RORA: variants seen among roughly 807,000 people sequenced by gnomAD.
RORA encodes the protein nuclear receptor ROR-alpha.
RORA carries 7 observed loss-of-function variants against 69.5 expected under a neutral mutation model. The observed-to-expected ratio is 0.10, with a 90% confidence interval of 0.06 to 0.19. The LOEUF (loss-of-function observed/expected upper bound fraction) is 0.19, where lower values mean the gene tolerates loss of function less well. RORA is among the 10% of genes least tolerant of loss of function. The pLI is 1.00. For missense variants in RORA, 457 were observed against 663.0 expected, an observed-to-expected ratio of 0.69 and a Z score of 3.41; for synonymous variants, 261 against 240.8, an observed-to-expected ratio of 1.08 and a Z score of -0.78.
chr15:60,697,323 A>T (rs191792447), intron 1 of RORA, among the ~76,000 whole-genome samples: 132 of 152,288 alleles, frequency 8.7e-4, no homozygotes, highest in African/African-American at 3.0e-3. Flanking sequence ...AGCTACATGT[A>T]CCCCAACAAA....
chr15:61,072,223 T>C (rs1406496721), intron 1 of RORA, among the ~76,000 whole-genome samples: 1 of 152,194 alleles, frequency 6.6e-6, no homozygotes, highest in East Asian at 1.9e-4. Flanking sequence ...CATTTCCTTT[T>C]TTTTTTCTTT....
At chr15:61,098,407 T>G (rs1465749985) in intron 1 of RORA, among the ~76,000 whole-genome samples, 1 of 151,964 alleles carries the variant, frequency 6.6e-6, no homozygotes, top group Non-Finnish European at 1.5e-5. Flanking sequence ...AGTGGCGTGA[T>G]CACAGCTCAC....
intron 1 of RORA, among the ~76,000 whole-genome samples, chr15:61,048,570 G>A (rs1299258282): frequency 2.6e-5 from 4 of 152,220 alleles, no homozygotes; most frequent in South Asian, 2.1e-4. Context: ...CCCGGTGAGC[G>A]TCATGGCGGA....
At chr15:61,020,833 T>A (rs570075418) in intron 1 of RORA, among the ~76,000 whole-genome samples, 10 of 152,322 alleles carry the variant, frequency 6.6e-5, no homozygotes, top group African/African-American at 1.9e-4. Flanking sequence ...AGGCCCCTCA[T>A]CTATCTTTTC....
At chr15:60,633,357 G>A (rs1308702556) in intron 2 of RORA, among the ~76,000 whole-genome samples, 1 of 152,154 alleles carries the variant, frequency 6.6e-6, no homozygotes, top group Non-Finnish European at 1.5e-5. Context: ...TATTTGTGTG[G>A]AAGCATAGTG....
chr15:61,182,696 G>T (rs1482418890), intron 1 of RORA, among the ~76,000 whole-genome samples: 1 of 152,238 alleles, frequency 6.6e-6, no homozygotes, highest in African/African-American at 2.4e-5. Context: ...TGACTTTATA[G>T]TGGAGATGGC....
intron 1 of RORA, among the ~76,000 whole-genome samples, chr15:60,882,019 C>T (rs943569627): frequency 3.3e-5 from 5 of 152,312 alleles, no homozygotes; most frequent in South Asian, 2.1e-4. Context: ...ATTGTCTTCC[C>T]GCGCACGTGT....
intron 1 of RORA, among the ~76,000 whole-genome samples, chr15:60,972,831 T>A (rs1893758296): frequency 6.6e-6 from 1 of 152,330 alleles, no homozygotes; most frequent in African/African-American, 2.4e-5. Context: ...GACAAAAGAA[T>A]AAGTTCTCTT....
chr15:60,939,972 G>T (rs555827811), intron 1 of RORA, among the ~76,000 whole-genome samples: 7 of 152,294 alleles, frequency 4.6e-5, no homozygotes, highest in African/African-American at 1.7e-4. Context: ...CTATCCTGGT[G>T]GTAAATTACA....
chr15:61,102,143 C>A (rs1342282688), intron 1 of RORA, among the ~76,000 whole-genome samples: 3 of 152,126 alleles, frequency 2.0e-5, no homozygotes, highest in Non-Finnish European at 4.4e-5. Flanking sequence ...CGTGTCATTG[C>A]CCCACTGAGG....
At chr15:60,622,951 G>A (rs1408153396) in intron 2 of RORA, among the ~76,000 whole-genome samples, 1 of 152,072 alleles carries the variant, frequency 6.6e-6, no homozygotes, top group Non-Finnish European at 1.5e-5. Context: ...CCTGACCTCA[G>A]GTGATCCACC....
intron 1 of RORA, among the ~76,000 whole-genome samples, chr15:60,895,031 G>T (rs1212463780): frequency 1.3e-5 from 2 of 152,086 alleles, no homozygotes; most frequent in Non-Finnish European, 2.9e-5. Context: ...ACACCAGAAG[G>T]CTTAAAAACC....
At chr15:60,618,457 C>T (rs1425382519) in intron 2 of RORA, among the ~76,000 whole-genome samples, 3 of 152,146 alleles carry the variant, frequency 2.0e-5, no homozygotes, top group Admixed American at 6.5e-5. Flanking sequence ...CACAGCAGTG[C>T]CCCAAAAATG....
intron 1 of RORA, among the ~76,000 whole-genome samples, chr15:60,997,716 C>T (rs1894603431): frequency 6.6e-6 from 1 of 152,134 alleles, no homozygotes; most frequent in African/African-American, 2.4e-5. Flanking sequence ...GTCCCATCTA[C>T]CCATCTCTAC....
chr15:60,854,797 G>A (rs1172004416), intron 1 of RORA, among the ~76,000 whole-genome samples: 1 of 152,218 alleles, frequency 6.6e-6, no homozygotes, highest in African/African-American at 2.4e-5. Flanking sequence ...AGTATTTGAT[G>A]TTTAAACCTG....
intron 1 of RORA, among the ~76,000 whole-genome samples, chr15:61,005,208 G>C (rs958345575): frequency 6.6e-6 from 1 of 152,176 alleles, no homozygotes; most frequent in Non-Finnish European, 1.5e-5. Flanking sequence ...GGCCAGGCAT[G>C]GTGGCTCATG....
intron 3 of RORA, among the ~76,000 whole-genome samples, chr15:60,518,251 A>G (rs1404137092): frequency 2.0e-5 from 3 of 152,218 alleles, no homozygotes; most frequent in African/African-American, 7.2e-5. Flanking sequence ...AAAGGATGCC[A>G]CTTTTTAGTT....
At chr15:60,657,448 G>T (rs1443543355) in intron 2 of RORA, among the ~76,000 whole-genome samples, 1 of 152,132 alleles carries the variant, frequency 6.6e-6, no homozygotes, top group Non-Finnish European at 1.5e-5. Flanking sequence ...AAGGTAAGTG[G>T]ATTCCTTTGC....
At chr15:60,580,623 C>A (rs1038242560) in intron 2 of RORA, among the ~76,000 whole-genome samples, 5 of 152,182 alleles carry the variant, frequency 3.3e-5, no homozygotes, top group African/African-American at 1.2e-4. Flanking sequence ...TTCATTTGCC[C>A]TGCTTTTATA....
Sources: allele counts gnomAD v4.1 joint callset (sites outside exome capture counted in the v4.1 genomes callset), GRCh38; gene constraint gnomAD v4.1.1; transcripts MANE v1.5; gene names NCBI Gene and HGNC (gene_info 2026-07-23, HGNC 2026-07-21).